ZSCAN25: variants seen among roughly 807,000 people sequenced by gnomAD.
The protein encoded by ZSCAN25 is zinc finger and SCAN domain containing 25, also known as zinc finger and SCAN domain-containing protein 25.
Under a neutral mutation model 38.7 loss-of-function variants are expected in ZSCAN25, and 27 were observed. The ratio of observed to expected loss-of-function variants is 0.70; its 90% confidence interval spans 0.51 to 0.96. ZSCAN25 has a LOEUF of 0.96. Ranked by LOEUF, ZSCAN25 falls within the 40% of genes least tolerant of loss-of-function variation. ZSCAN25 has a pLI of 0.00. For missense variants in ZSCAN25, 637 were observed against 705.9 expected (o/e 0.90, Z 1.11); for synonymous variants, 273 against 277.7 (o/e 0.98, Z 0.17).
At chr7:99,717,450 T>TA in the ZSCAN25 span, 1 of 1,596,096 alleles carries the variant, frequency 6.3e-7, no homozygotes, top group Non-Finnish European at 8.6e-7. Flanking sequence ...GGAAAGGAAC[T>TA]CTGATCTTAC....
the ZSCAN25 span, chr7:99,676,199 G>A: frequency 1.2e-6 from 2 of 1,613,672 alleles, no homozygotes; most frequent in Non-Finnish European, 1.7e-6. Flanking sequence ...CATGTGTACG[G>A]GTCCCATATC....
At chr7:99,717,773 C>T in the ZSCAN25 span, 2 of 1,145,848 alleles carry the variant, frequency 1.7e-6, no homozygotes, top group Admixed American at 2.0e-5. Flanking sequence ...GGCCCTATGA[C>T]AGATGCTCAA....
the ZSCAN25 span, among the ~76,000 whole-genome samples, chr7:99,696,824 G>A: frequency 6.6e-6 from 1 of 152,128 alleles, no homozygotes; most frequent in South Asian, 2.1e-4. Context: ...AGTTTCTCCT[G>A]GTTTCACACC....
At chr7:99,717,417 T>G in the ZSCAN25 span, 1 of 1,582,794 alleles carries the variant, frequency 6.3e-7, no homozygotes, top group East Asian at 2.3e-5. Context: ...TTTAGGAAGC[T>G]CAAATTCAGC....
At chr7:99,691,284 G>A in the ZSCAN25 span, among the ~76,000 whole-genome samples, 1 of 151,800 alleles carries the variant, frequency 6.6e-6, no homozygotes, top group African/African-American at 2.4e-5. Context: ...CACACTCCGG[G>A]GACTGTTGTG....
downstream of ZSCAN25, among the ~76,000 whole-genome samples, chr7:99,636,530 G>A (rs970754722): frequency 8.5e-5 from 13 of 152,158 alleles, no homozygotes; most frequent in African/African-American, 3.1e-4. Flanking sequence ...GACCAATACT[G>A]TCCAACTATA....
At chr7:99,619,471 G>A (rs1331549317) in intron 3 of ZSCAN25, 90 bp from the exon 4 acceptor site, 2 of 1,071,040 alleles carry the variant, frequency 1.9e-6, no homozygotes, top group Admixed American at 4.7e-5. Flanking sequence ...CTTGTAAAAG[G>A]TAATTACTGT....
In ZSCAN25 at chr7:99,631,468, C is replaced by T. The variant is rs1807991544; in HGVS notation, c.*1448C>T. On this transcript the variant is annotated 3_prime_UTR_variant, in exon 8 of 8. Coordinates refer to ENST00000394152, the MANE Select transcript of ZSCAN25 (RefSeq NM_145115.3). ...TTTCTGTTTAAAGTTCTGGAAGCTG[C>T]ATAACTAGCGTGGACTGACTGCTGT... The T allele has an allele frequency of 1.0e-6, 1 of 985,526 alleles. No homozygotes were observed. The highest frequency in any genetic ancestry group is 1.2e-6 in the Non-Finnish European group (1 of 829,940). 61.0% of individuals were successfully genotyped at this position (985,526 alleles called of 1,614,324 possible). A position where few individuals can be genotyped will look rare whatever the true frequency, so the allele number is the denominator to read the frequency against.
chr7:99,682,109 C>T, the ZSCAN25 span, among the ~76,000 whole-genome samples: 1 of 152,194 alleles, frequency 6.6e-6, no homozygotes, highest in Non-Finnish European at 1.5e-5. Flanking sequence ...GCTGGGACTA[C>T]AGGCACGCAC....
chr7:99,628,103 A>T (rs937023326), intron 7 of ZSCAN25, among the ~76,000 whole-genome samples: 2 of 152,172 alleles, frequency 1.3e-5, no homozygotes, highest in Admixed American at 1.3e-4. Context: ...AAGGAAAAAA[A>T]GGGTAACGTG....
chr7:99,643,946 C>T, the ZSCAN25 span, among the ~76,000 whole-genome samples: 1 of 151,856 alleles, frequency 6.6e-6, no homozygotes, highest in Non-Finnish European at 1.5e-5. Context: ...AGGCACACCA[C>T]CCTTCATAAA....
At chr7:99,686,203 G>A in the ZSCAN25 span, among the ~76,000 whole-genome samples, 68 of 152,316 alleles carry the variant, frequency 4.5e-4, no homozygotes, top group African/African-American at 1.5e-3. Flanking sequence ...GAAGCAGGGC[G>A]AGGCATTGCC....
chr7:99,696,867 G>A, the ZSCAN25 span, among the ~76,000 whole-genome samples: 1 of 152,274 alleles, frequency 6.6e-6, no homozygotes, highest in African/African-American at 2.4e-5. Flanking sequence ...GTGACAATGA[G>A]TTTTTATGAG....
the ZSCAN25 span, chr7:99,695,718 G>A: frequency 6.3e-7 from 1 of 1,584,090 alleles, no homozygotes; most frequent in African/African-American, 1.3e-5. Context: ...ATCATAAGAA[G>A]CCAAAGAGTG....
In ZSCAN25 at chr7:99,630,281, T is replaced by C; in HGVS notation, c.*261T>C. 7.8e-7 allele frequency: 1 copy of C among 1,275,530 alleles called. No homozygotes were observed. The highest frequency in any genetic ancestry group is 9.9e-7 in the Non-Finnish European group (1 of 1,010,880). 79.0% of individuals were successfully genotyped at this position (1,275,530 alleles called of 1,614,324 possible). A position where few individuals can be genotyped will look rare whatever the true frequency, so the allele number is the denominator to read the frequency against. On this transcript the variant is annotated 3_prime_UTR_variant, in exon 8 of 8. Transcript: ENST00000394152. ...CGGTTCAGTTCAGGCTGAGATTTTC[T>C]CCTTCAGTGGACTGTCTGTGTCCCC...
the ZSCAN25 span, among the ~76,000 whole-genome samples, chr7:99,693,503 C>G: frequency 1.3e-5 from 2 of 152,226 alleles, no homozygotes; most frequent in African/African-American, 4.8e-5. Flanking sequence ...TGCCCTGCCC[C>G]CAGAAGTGGA....
At chr7:99,649,187 C>T in the ZSCAN25 span, among the ~76,000 whole-genome samples, 2 of 152,168 alleles carry the variant, frequency 1.3e-5, no homozygotes, top group Non-Finnish European at 2.9e-5. Flanking sequence ...GCCAGAGGCC[C>T]ACTTTCTCTC....
At chr7:99,709,409 T>C in the ZSCAN25 span, 1 of 1,301,606 alleles carries the variant, frequency 7.7e-7, no homozygotes, top group Non-Finnish European at 1.1e-6. Flanking sequence ...TTTTAATAAC[T>C]GTCATGCCCT....
At chr7:99,668,614 A>G in the ZSCAN25 span, among the ~76,000 whole-genome samples, 2 of 152,226 alleles carry the variant, frequency 1.3e-5, no homozygotes. Flanking sequence ...CATAATTTGC[A>G]TTATAATTGC....
Sources: gnomAD v4.1 joint callset for allele counts (sites outside exome capture counted in the v4.1 genomes callset) on GRCh38, gnomAD v4.1.1 for gene constraint, MANE v1.5 for transcripts, NCBI Gene and HGNC (gene_info 2026-07-23, HGNC 2026-07-21) for gene names.